PLPPR1: variants seen among roughly 807,000 people sequenced by gnomAD.
PLPPR1 encodes the protein phospholipid phosphatase-related protein type 1.
PLPPR1 carries 10 observed loss-of-function variants against 33.1 expected under a neutral mutation model. That is an observed-to-expected ratio of 0.30 (90% CI 0.19 to 0.51). The LOEUF (loss-of-function observed/expected upper bound fraction) is 0.51, where lower values mean the gene tolerates loss of function less well. Ranked by LOEUF, PLPPR1 falls within the 20% of genes least tolerant of loss-of-function variation. The pLI, the probability that PLPPR1 is intolerant of heterozygous loss-of-function variation, is 0.97. For synonymous variants in PLPPR1, 151 were observed against 151.0 expected, an observed-to-expected ratio of 1.00 and a Z score of 0.00; for missense variants, 304 against 408.1, an observed-to-expected ratio of 0.74 and a Z score of 2.20.
intron 2 of PLPPR1, among the ~76,000 whole-genome samples, chr9:101,212,030 T>C: frequency 6.6e-6 from 1 of 151,770 alleles, no homozygotes; most frequent in African/African-American, 2.4e-5. Flanking sequence ...CTTTTTTTGC[T>C]GTGAGATTTT....
chr9:101,113,269 GGT>G, intron 1 of PLPPR1, among the ~76,000 whole-genome samples: 1 of 150,756 alleles, frequency 6.6e-6, no homozygotes. Flanking sequence ...ACTAAATACT[GGT>G]TCTGATTTAC....
chr9:101,043,276 T>A (rs1351398410), intron 1 of PLPPR1, among the ~76,000 whole-genome samples: 1 of 151,892 alleles, frequency 6.6e-6, no homozygotes, highest in African/African-American at 2.4e-5. Context: ...CCATCATATA[T>A]ATATGTGTGT....
At chr9:101,210,984 G>A (rs1826680158) in intron 2 of PLPPR1, among the ~76,000 whole-genome samples, 1 of 152,100 alleles carries the variant, frequency 6.6e-6, no homozygotes, top group Non-Finnish European at 1.5e-5. Context: ...AGCCAGGATG[G>A]TCTCGATCTC....
chr9:101,290,933 G>A (rs531780611), intron 4 of PLPPR1, among the ~76,000 whole-genome samples: 18 of 152,230 alleles, frequency 1.2e-4, no homozygotes, highest in South Asian at 2.1e-4. Context: ...GACAGTGGGC[G>A]CAGGACAGTG....
At chr9:101,120,145 A>T (rs912987618) in intron 1 of PLPPR1, among the ~76,000 whole-genome samples, 1 of 152,244 alleles carries the variant, frequency 6.6e-6, no homozygotes, top group African/African-American at 2.4e-5. Flanking sequence ...ATATTTGCAC[A>T]TGTAATAATA....
At chr9:101,175,879 T>A (rs1479606493) in intron 1 of PLPPR1, among the ~76,000 whole-genome samples, 1 of 152,148 alleles carries the variant, frequency 6.6e-6, no homozygotes, top group Non-Finnish European at 1.5e-5. Flanking sequence ...CTTTTCCCTA[T>A]TCCTTTCACT....
At chr9:101,116,897 AC>A (rs1831124428) in intron 1 of PLPPR1, among the ~76,000 whole-genome samples, 3 of 151,970 alleles carry the variant, frequency 2.0e-5, no homozygotes, top group Non-Finnish European at 4.4e-5. Flanking sequence ...TCCAAATATC[AC>A]CTTTTGTTGA....
intron 6 of PLPPR1, among the ~76,000 whole-genome samples, chr9:101,313,500 CCT>C (rs939580872): frequency 4.6e-5 from 7 of 152,160 alleles, no homozygotes; most frequent in African/African-American, 1.7e-4. Context: ...TTTTAGTGGG[CCT>C]CTGTTACTAT....
At chr9:101,288,495 C>T (rs1163088031) in intron 4 of PLPPR1, among the ~76,000 whole-genome samples, 1 of 151,956 alleles carries the variant, frequency 6.6e-6, no homozygotes, top group Non-Finnish European at 1.5e-5. Flanking sequence ...CAAAAGATAA[C>T]ATTTAAACTT....
chr9:101,093,098 A>G (rs967422646), intron 1 of PLPPR1, among the ~76,000 whole-genome samples: 3 of 152,146 alleles, frequency 2.0e-5, no homozygotes, highest in Non-Finnish European at 2.9e-5. Flanking sequence ...CTTTAGACAT[A>G]CTCTCACTAC....
chr9:101,304,337 G>T (rs1262153511), intron 4 of PLPPR1, among the ~76,000 whole-genome samples: 1 of 152,124 alleles, frequency 6.6e-6, no homozygotes, highest in Admixed American at 6.5e-5. Flanking sequence ...AATCTCTAAA[G>T]TTTCTTCAGC....
At position 101,153,718 on chromosome 9, in the gene PLPPR1, G is replaced by A. The variant is rs146442011; in HGVS notation, c.-45-31732G>A. Among the ~76,000 whole-genome samples the A allele has an allele frequency of 3.6e-3, 541 of 151,904 alleles. 4 individuals carry two copies. The highest frequency in any genetic ancestry group is 0.013 in the African/African-American group (527 of 41,412). Reference sequence around the variant, plus strand: ...GCCTCCTGAGTAGCTGGGACTACAGGTGCCTGCCACCATGCCTGGCTATTT... The same window carrying A: ...GCCTCCTGAGTAGCTGGGACTACAGATGCCTGCCACCATGCCTGGCTATTT... On this transcript the variant is annotated intron_variant, in intron 1 of 7. Transcript: ENST00000374874.
At chr9:101,219,563 A>G (rs1488969948) in intron 2 of PLPPR1, among the ~76,000 whole-genome samples, 1 of 152,224 alleles carries the variant, frequency 6.6e-6, no homozygotes, top group South Asian at 2.1e-4. Flanking sequence ...ATAAAACAAT[A>G]TATTACCTAC....
At chr9:101,213,706 A>G (rs1443737833) in intron 2 of PLPPR1, among the ~76,000 whole-genome samples, 1 of 152,108 alleles carries the variant, frequency 6.6e-6, no homozygotes, top group East Asian at 1.9e-4. Context: ...TGATCCTTCC[A>G]TTCCTCCATA....
At chr9:101,079,012 A>G (rs1052907063) in intron 1 of PLPPR1, among the ~76,000 whole-genome samples, 7 of 152,228 alleles carry the variant, frequency 4.6e-5, no homozygotes, top group Non-Finnish European at 1.5e-5. Context: ...AAATATTTTT[A>G]AAGTTATATG....
At chr9:101,057,153 G>T (rs1564132246) in intron 1 of PLPPR1, among the ~76,000 whole-genome samples, 1 of 152,252 alleles carries the variant, frequency 6.6e-6, no homozygotes, top group East Asian at 1.9e-4. Context: ...TTAGCATTTT[G>T]TTGGCCTCAA....
chr9:101,135,340 G>A (rs562490788), intron 1 of PLPPR1, among the ~76,000 whole-genome samples: 1 of 152,268 alleles, frequency 6.6e-6, no homozygotes, highest in Non-Finnish European at 1.5e-5. Flanking sequence ...TAGAGTGATG[G>A]CTTAGAATCA....
rs1236755724 is a variant in PLPPR1, at chr9:101,324,807, G to A, written c.*750G>A. On this transcript the variant is annotated 3_prime_UTR_variant, in exon 8 of 8. Coordinates refer to ENST00000374874, the MANE Select transcript of PLPPR1 (RefSeq NM_207299.2). ...ATCAGCCTCCCCTGTCAACTCAACA[G>A]TTTTGTATCTCATATTATATGGACT... The A allele has an allele frequency of 3.9e-5, 6 of 152,470 alleles. No individual in the cohort carries two copies. The highest frequency in any genetic ancestry group is 1.5e-5 in the Non-Finnish European group (1 of 68,010). The allele number at this position is 152,470 out of a possible 1,614,324, so 9.4% of individuals were successfully genotyped here. A position where few individuals can be genotyped will look rare whatever the true frequency, so the allele number is the denominator to read the frequency against.
chr9:101,202,903 C>T (rs1826518537), intron 2 of PLPPR1, among the ~76,000 whole-genome samples: 1 of 152,194 alleles, frequency 6.6e-6, no homozygotes, highest in African/African-American at 2.4e-5. Context: ...CCCTCAGGCA[C>T]AGATTCGCTC....
Sources: gnomAD v4.1 joint callset for allele counts (sites outside exome capture counted in the v4.1 genomes callset) on GRCh38, gnomAD v4.1.1 for gene constraint, MANE v1.5 for transcripts, NCBI Gene and HGNC (gene_info 2026-07-23, HGNC 2026-07-21) for gene names.